RCOR2: variants seen among roughly 807,000 people sequenced by gnomAD.
RCOR2 encodes REST corepressor 2.
A neutral mutation model predicts 58.9 loss-of-function variants in RCOR2; 19 were observed. The observed-to-expected ratio is 0.32, with a 90% confidence interval of 0.23 to 0.47. The LOEUF (loss-of-function observed/expected upper bound fraction) is 0.47, where lower values mean the gene tolerates loss of function less well. Ranked by LOEUF, RCOR2 falls within the 20% of genes least tolerant of loss-of-function variation. The probability of loss-of-function intolerance (pLI) is 1.00; values close to 1 mark genes in which losing one functional copy is unlikely to be tolerated. For missense variants in RCOR2, 590 were observed against 707.9 expected, an observed-to-expected ratio of 0.83 and a Z score of 1.89; for synonymous variants, 286 against 278.7, an observed-to-expected ratio of 1.03 and a Z score of -0.26.
chr11:63,912,602 T>A, intron 10 of RCOR2, 68 bp from the exon 11 acceptor site: 1 of 1,592,422 alleles, frequency 6.3e-7, no homozygotes, highest in Admixed American at 1.7e-5. Flanking sequence ...ACCCTTCCCC[T>A]CTGCCCCCCC....
Position 63,914,398 on chromosome 11 carries a change from T to G in RCOR2, c.605+19A>C, listed in dbSNP as rs1467081777. The G allele has an allele frequency of 6.2e-7, 1 of 1,613,236 alleles. No homozygotes were observed. Among genetic ancestry groups the G allele is most frequent in the Non-Finnish European group, 8.5e-7 (1 of 1,180,014 alleles). On this transcript the variant is annotated intron_variant, in intron 6 of 11. Coordinates refer to ENST00000301459, the MANE Select transcript of RCOR2 (RefSeq NM_173587.4). The stretch of plus-strand genomic sequence containing the variant: ...GAGCTCTACCTACCCCCATGCCCAG[T>G]GCTTGCTCCTGCCCCCACCTGTCTT...
rs1191385694 is a variant in RCOR2, at chr11:63,915,630, G to A, written c.128-19C>T. 1 of 855,702 alleles carries A rather than the reference G, an allele frequency of 1.2e-6. No individual in the cohort carries two copies. Among genetic ancestry groups the A allele is most frequent in the East Asian group, 6.0e-5 (1 of 16,650 alleles). The allele number at this position is 855,702 out of a possible 1,614,324, so 53.0% of individuals were successfully genotyped here. A position where few individuals can be genotyped will look rare whatever the true frequency, so the allele number is the denominator to read the frequency against. On this transcript the variant is annotated intron_variant, in intron 1 of 11. Transcript: ENST00000301459. ...ATGCTGTCTGTGGAGCCAGGGGGAG[G>A]CAGTCAGGACTCCAGGGAGGGCGGG...
upstream of RCOR2, among the ~76,000 whole-genome samples, chr11:63,918,489 G>A (rs529967571): frequency 1.1e-4 from 16 of 152,340 alleles, no homozygotes; most frequent in African/African-American, 3.6e-4. Flanking sequence ...CCTCGGGCCA[G>A]GGCTACGGGG....
At chr11:63,918,458 G>A (rs541174404), upstream of RCOR2, among the ~76,000 whole-genome samples, 1 of 152,310 alleles carries the variant, frequency 6.6e-6, no homozygotes, top group Admixed American at 6.5e-5. Context: ...CACCCAGCCA[G>A]CGGCCACGTT....
At chr11:63,920,872 C>A (rs976482836), upstream of RCOR2, among the ~76,000 whole-genome samples, 6 of 152,036 alleles carry the variant, frequency 3.9e-5, no homozygotes, top group African/African-American at 1.4e-4. Flanking sequence ...CCTGGCCTAG[C>A]CGGCACTCCT....
At chr11:63,915,433 G>T (rs1590736155) in intron 2 of RCOR2, 122 bp downstream of exon 2, 1 of 1,191,972 alleles carries the variant, frequency 8.4e-7, no homozygotes. Flanking sequence ...ATGCTGGGGG[G>T]CCACCCACCC....
At position 63,916,485 on chromosome 11, in the gene RCOR2, A is replaced by G. The variant is rs2134249067; in HGVS notation, c.-29T>C. The G allele has an allele frequency of 6.3e-7, 1 of 1,595,914 alleles. No individual in the cohort carries two copies. The highest frequency in any genetic ancestry group is 8.5e-7 in the Non-Finnish European group (1 of 1,172,742). ...CCCGCCCAGCTGCCCCGGGGGGCGC[A>G]GGAGCCTTCGGAGAGCGACAGTGGT... On this transcript the variant is annotated 5_prime_UTR_variant, in exon 1 of 12. Coordinates refer to ENST00000301459, the MANE Select transcript of RCOR2 (RefSeq NM_173587.4).
In RCOR2 at chr11:63,914,735, C is replaced by T. The variant is rs753839767; in HGVS notation, c.400G>A (p.Glu134Lys). The T allele has an allele frequency of 4.3e-6, 7 of 1,613,390 alleles. No individual in the cohort carries two copies. Among genetic ancestry groups the T allele is most frequent in the Non-Finnish European group, 5.9e-6 (7 of 1,179,742 alleles). Residue 134 changes from glutamate to lysine, a missense_variant, in exon 5 of 12, where the codon GAG becomes AAG. Transcript: ENST00000301459. ...DLANFTPFPD[E>K]WTVEDKVLFE... is the part of the protein sequence containing the mutation. ...AGCACCTTGTCCTCTACTGTCCACT[C>T]GTCAGGGAATGGGGTGAAGTTGGCC...
chr11:63,916,785 T>G lies in RCOR2; in HGVS notation c.-329A>C. 7.8e-6 allele frequency: 2 copies of G among 255,894 alleles called. No individual in the cohort carries two copies. Among genetic ancestry groups the G allele is most frequent in the Admixed American group, 5.3e-5 (1 of 18,822 alleles). 15.9% of individuals were successfully genotyped at this position (255,894 alleles called of 1,614,324 possible). A position where few individuals can be genotyped will look rare whatever the true frequency, so the allele number is the denominator to read the frequency against. On this transcript the variant is annotated 5_prime_UTR_variant, in exon 1 of 12. Coordinates refer to ENST00000301459, the MANE Select transcript of RCOR2 (RefSeq NM_173587.4). Reference sequence around the variant, plus strand: ...GTTCCCCTGAAGTCGGGGCCCCCTGTCCTCGGGGCGCCCTGGAACCCCACC... The same window carrying G: ...GTTCCCCTGAAGTCGGGGCCCCCTGGCCTCGGGGCGCCCTGGAACCCCACC...
Position 63,915,601 on chromosome 11 carries a change from G to A in RCOR2, c.138C>T (p.Ile46=). ...SEEEHSHDSM[I]RVGTNYQAVI... ...CGGCCTGGTAATTGGTTCCAACGCG[G>A]ATCATGCTGTCTGTGGAGCCAGGGG... is the stretch of plus-strand genomic sequence containing the variant. Residue 46 remains isoleucine, a synonymous_variant, in exon 2 of 12, where the codon ATC becomes ATT. Coordinates refer to ENST00000301459, the MANE Select transcript of RCOR2 (RefSeq NM_173587.4). 1 of 1,331,090 alleles carries A rather than the reference G, an allele frequency of 7.5e-7. No individual in the cohort carries two copies. The highest frequency in any genetic ancestry group is 9.9e-7 in the Non-Finnish European group (1 of 1,012,442). 82.5% of individuals were successfully genotyped at this position (1,331,090 alleles called of 1,614,324 possible).
Position 63,915,163 on chromosome 11 carries a change from C to T in RCOR2, c.265+15G>A, listed in dbSNP as rs1941838233. ...GAACCCAAGCCCCCACCTCCCAGGGCTGTGCCCCACTCACGCTTGGCATCT... is the reference window on the plus strand; with the variant it reads ...GAACCCAAGCCCCCACCTCCCAGGGTTGTGCCCCACTCACGCTTGGCATCT... On this transcript the variant is annotated intron_variant, in intron 3 of 11. Coordinates refer to ENST00000301459, the MANE Select transcript of RCOR2 (RefSeq NM_173587.4). 6.5e-7 allele frequency: 1 copy of T among 1,549,506 alleles called. No homozygotes were observed. Among genetic ancestry groups the T allele is most frequent in the Non-Finnish European group, 8.7e-7 (1 of 1,145,234 alleles).
the RCOR2 span, among the ~76,000 whole-genome samples, chr11:63,924,393 G>T: frequency 5.1e-4 from 77 of 152,242 alleles, no homozygotes; most frequent in South Asian, 1.4e-3. Context: ...ATTTTTAGTA[G>T]AGACGGGGTT....
rs1252195222 is a variant in RCOR2 at position 63,912,148 on chromosome 11, G to T, written c.1289C>A (p.Pro430His). Residue 430 changes from proline to histidine, a missense_variant, in exon 12 of 12, where the codon CCC (proline) becomes CAC (histidine). By Grantham distance (77) the Pro-to-His change is moderately conservative. This residue lies in a region of RCOR2 where 196 missense variants were observed against 210.7 expected (regional missense o/e 0.93). Coordinates refer to ENST00000301459, the MANE Select transcript of RCOR2 (RefSeq NM_173587.4). ...VQITSVSTSV[P>H]RSVPPAPPPP... ...TGGTGGCGCAGGGGGCACTGATCGGGGCACGGACGTGGAGACCGATGTAAT... is the reference window on the plus strand; with the variant it reads ...TGGTGGCGCAGGGGGCACTGATCGGTGCACGGACGTGGAGACCGATGTAAT... The T allele has an allele frequency of 2.0e-6, 3 of 1,536,074 alleles. No individual in the cohort carries two copies. The highest frequency in any genetic ancestry group is 2.6e-6 in the Non-Finnish European group (3 of 1,145,186).
Position 63,915,266 on chromosome 11 carries a change from G to A in RCOR2, c.185-8C>T. 1.3e-6 allele frequency: 2 copies of A among 1,551,052 alleles called. No homozygotes were observed. Among genetic ancestry groups the A allele is most frequent in the Non-Finnish European group, 1.7e-6 (2 of 1,146,730 alleles). ...TGTAGCGTGCGGGGCTCTCTGAAAG[G>A]CCGAGGAGCAGGAGGGAAGACACTC... On this transcript the variant is annotated splice_region_variant and splice_polypyrimidine_tract_variant and intron_variant, in intron 2 of 11. Coordinates refer to ENST00000301459, the MANE Select transcript of RCOR2 (RefSeq NM_173587.4).
Position 63,914,981 on chromosome 11 carries a change from T to C in RCOR2, c.266-27A>G, listed in dbSNP as rs1941836091. 3 of 1,613,566 alleles carry C rather than the reference T, an allele frequency of 1.9e-6. No individual in the cohort carries two copies. In the East Asian group the frequency reaches 6.7e-5, roughly 36 times the overall value. On this transcript the variant is annotated intron_variant, in intron 3 of 11. Coordinates refer to ENST00000301459, the MANE Select transcript of RCOR2 (RefSeq NM_173587.4). ...TGCAGGGGCAGCAGGGGCAGGGTCT[T>C]GGTGAAGGGGGTTATAGCTCCTAAC... is the stretch of plus-strand genomic sequence containing the variant.
rs1941774851 is a variant in RCOR2 at position 63,912,187 on chromosome 11, G to A, written c.1258-8C>T. On this transcript the variant is annotated splice_region_variant and splice_polypyrimidine_tract_variant and intron_variant, in intron 11 of 11. Transcript: ENST00000301459. ...GACCGATGTAATCTGGACCTGAGGG[G>A]AGAGGAAAGAGTGAGAAGCCAGGCT... 6.4e-7 allele frequency: 1 copy of A among 1,571,198 alleles called. No individual in the cohort carries two copies. The highest frequency in any genetic ancestry group is 8.6e-7 in the Non-Finnish European group (1 of 1,159,654).
At chr11:63,924,515 C>G in the RCOR2 span, among the ~76,000 whole-genome samples, 1 of 152,114 alleles carries the variant, frequency 6.6e-6, no homozygotes, top group Admixed American at 6.6e-5. Flanking sequence ...CATTGGGATC[C>G]AAAGTAGAAA....
At chr11:63,912,239 A>C in intron 11 of RCOR2, 60 bp from the exon 12 acceptor site, 1 of 1,599,642 alleles carries the variant, frequency 6.3e-7, no homozygotes, top group Non-Finnish European at 8.6e-7. Context: ...CAGTCTAAGG[A>C]CCAAGGCGGC....
rs926843087 is a variant in RCOR2, at chr11:63,913,036, C to A, written c.892-89G>T. 1.1e-5 allele frequency: 12 copies of A among 1,078,944 alleles called. No individual in the cohort carries two copies. In the African/African-American group the frequency reaches 1.3e-4, roughly 11 times the overall value. 66.8% of individuals were successfully genotyped at this position (1,078,944 alleles called of 1,614,324 possible). On this transcript the variant is annotated intron_variant, in intron 8 of 11. Transcript: ENST00000301459. ...ACAGGACCCTACTTCTGCACAGACA[C>A]CAGCACCACTGCCCCGGCAAAGCTT... is the stretch of plus-strand genomic sequence containing the variant.
Sources: allele counts gnomAD v4.1 joint callset (sites outside exome capture counted in the v4.1 genomes callset), GRCh38; gene constraint gnomAD v4.1.1; regional missense constraint gnomAD v4.1.1; transcripts MANE v1.5; gene names NCBI Gene and HGNC (gene_info 2026-07-23, HGNC 2026-07-21).